Variants in RNF44 observed in about 807,000 individuals in gnomAD.
RNF44 encodes ring finger protein 44.
Under a neutral mutation model 53.6 loss-of-function variants are expected in RNF44, and 25 were observed. The observed-to-expected ratio is 0.47, with a 90% CI of 0.34 to 0.65. RNF44 has a LOEUF of 0.65. Among genes scored for constraint, RNF44 ranks in the 30% least tolerant of loss-of-function variants. The pLI, the probability that RNF44 is intolerant of heterozygous loss-of-function variation, is 0.01. For missense variants in RNF44, 581 were observed against 595.5 expected, an observed-to-expected ratio of 0.98 and a Z score of 0.25; for synonymous variants, 282 against 252.2, an observed-to-expected ratio of 1.12 and a Z score of -1.12.
chr5:176,529,027 C>T lies in RNF44; in HGVS notation c.*1G>A. On this transcript the variant is annotated 3_prime_UTR_variant, in exon 11 of 11. Transcript: ENST00000274811. ...TCTCCCGGGCAGGCGGCTGCGTGGC[C>T]TCACTCAGCCTCCCTGGGCACCTCG... The T allele has an allele frequency of 6.2e-7, 1 of 1,611,720 alleles. No homozygotes were observed. Among genetic ancestry groups the T allele is most frequent in the Non-Finnish European group, 8.5e-7 (1 of 1,179,462 alleles).
Position 176,530,833 on chromosome 5 carries a change from C to A in RNF44, c.639+15G>T. On this transcript the variant is annotated intron_variant, in intron 5 of 10. Coordinates refer to ENST00000274811, the MANE Select transcript of RNF44 (RefSeq NM_014901.5). The stretch of plus-strand genomic sequence containing the variant: ...CACGCCATCTCCCTCCAGCATCGGA[C>A]CCATGCCGACTCACCATCCGAGGGT... The A allele has an allele frequency of 4.2e-6, 6 of 1,436,034 alleles. No individual in the cohort carries two copies. The highest frequency in any genetic ancestry group is 4.6e-6 in the Non-Finnish European group (5 of 1,096,694). 89.0% of individuals were successfully genotyped at this position (1,436,034 alleles called of 1,614,324 possible). A position where few individuals can be genotyped will look rare whatever the true frequency, so the allele number is the denominator to read the frequency against.
chr5:176,535,582 T>C lies in RNF44; in HGVS notation c.-45+1358A>G, dbSNP rs184131556. ...CCAGAGAGAACGGAATTGGTCCTAG[T>C]TGGCCTCCTAGGCCCAAACTCCCCC... On this transcript the variant is annotated intron_variant, in intron 1 of 10. Coordinates refer to ENST00000274811, the MANE Select transcript of RNF44 (RefSeq NM_014901.5). Among the ~76,000 whole-genome samples the C allele has an allele frequency of 5.9e-3, 899 of 152,306 alleles. 7 individuals carry two copies. The highest frequency in any genetic ancestry group is 7.0e-3 in the Non-Finnish European group (478 of 68,012).
chr5:176,528,684 G>A lies in RNF44; in HGVS notation c.*344C>T. ...CTCTGTCTGCCCATCCTGGGGCCAAGGATCTCCACCGGCCCCACTGAGGGA... is the reference window on the plus strand; with the variant it reads ...CTCTGTCTGCCCATCCTGGGGCCAAAGATCTCCACCGGCCCCACTGAGGGA... On this transcript the variant is annotated 3_prime_UTR_variant, in exon 11 of 11. Transcript: ENST00000274811. The A allele has an allele frequency of 2.9e-6, 1 of 350,420 alleles. No homozygotes were observed. The highest frequency in any genetic ancestry group is 5.3e-6 in the Non-Finnish European group (1 of 189,350). The allele number at this position is 350,420 out of a possible 1,614,324, so 21.7% of individuals were successfully genotyped here.
At position 176,528,918 on chromosome 5, in the gene RNF44, C is replaced by A; in HGVS notation, c.*110G>T. On this transcript the variant is annotated 3_prime_UTR_variant, in exon 11 of 11. Transcript: ENST00000274811. Reference sequence around the variant, plus strand: ...CTGGCACCAGCTCTGGAAATGCAGGCAGGAGCGAAGGGGCAGGCCTGGGCC... The same window carrying A: ...CTGGCACCAGCTCTGGAAATGCAGGAAGGAGCGAAGGGGCAGGCCTGGGCC... 1 of 1,000,802 alleles carries A rather than the reference C, an allele frequency of 1.0e-6. No homozygotes were observed. The highest frequency in any genetic ancestry group is 1.5e-6 in the Non-Finnish European group (1 of 681,614). 62.0% of individuals were successfully genotyped at this position (1,000,802 alleles called of 1,614,324 possible).
intron 1 of RNF44, among the ~76,000 whole-genome samples, 172 bp downstream of exon 1, chr5:176,536,768 G>T (rs529100442): frequency 9.3e-5 from 14 of 151,344 alleles, no homozygotes; most frequent in Admixed American, 3.9e-4. Flanking sequence ...GCCCGGCCAC[G>T]GGGGGCCTTG....
In RNF44 at chr5:176,528,496, C is replaced by T. The variant is rs1756244279; in HGVS notation, c.*532G>A. 1 of 155,650 alleles carries T rather than the reference C, an allele frequency of 6.4e-6. No homozygotes were observed. The highest frequency in any genetic ancestry group is 1.9e-4 in the South Asian group (1 of 5,194). The allele number at this position is 155,650 out of a possible 1,614,324, so 9.6% of individuals were successfully genotyped here. On this transcript the variant is annotated 3_prime_UTR_variant, in exon 11 of 11. Coordinates refer to ENST00000274811, the MANE Select transcript of RNF44 (RefSeq NM_014901.5). ...GACTCAGCCCTCACAGCAGCCAACACAGAGCCAGCTGCCTGAGTTCACTGT... is the reference window on the plus strand; with the variant it reads ...GACTCAGCCCTCACAGCAGCCAACATAGAGCCAGCTGCCTGAGTTCACTGT...
rs1181451568 is a variant in RNF44 at position 176,532,062 on chromosome 5, G to T, written c.239C>A (p.Pro80His). The T allele has an allele frequency of 1.2e-6, 2 of 1,609,104 alleles. No homozygotes were observed. Among genetic ancestry groups the T allele is most frequent in the Middle Eastern group, 1.7e-4 (1 of 6,018 alleles). The change falls in exon 3 of 11, where the codon CCC becomes CAC. Residue 80 changes from proline to histidine, a missense_variant. Physicochemically the swap from Pro to His is moderately conservative, Grantham distance 77. Around this residue, in one of 3 missense-constraint regions of RNF44, gnomAD observed 387 missense variants for 366.0 expected, o/e 1.06. Coordinates refer to ENST00000274811, the MANE Select transcript of RNF44 (RefSeq NM_014901.5). Reference protein sequence around the residue: ...RRASAPAGGSPRMLHPATQQS... With the variant: ...RRASAPAGGSHRMLHPATQQS... The stretch of plus-strand genomic sequence containing the variant: ...CTGGGTGGCTGGGTGCAGCATTCGG[G>T]GGCTCCCGCCGGCAGGAGCCGAGGC...
chr5:176,531,017 A>G lies in RNF44; in HGVS notation c.470T>C (p.Ile157Thr). ...YPLCCLPPPLIQACTMQQLPV... is the reference protein window; with the variant it reads ...YPLCCLPPPLTQACTMQQLPV... The stretch of plus-strand genomic sequence containing the variant: ...CAGCTGCTGCATGGTGCACGCCTGG[A>G]TAAGCTGCCAAGAGAGGGGGCAGGG... The change falls in exon 5 of 11, where the codon ATC (isoleucine) becomes ACC (threonine). Residue 157 changes from isoleucine (I) to threonine (T), a missense_variant. Physicochemically the swap from Ile to Thr is moderately conservative, Grantham distance 89. Coordinates refer to ENST00000274811, the MANE Select transcript of RNF44 (RefSeq NM_014901.5). The surrounding 1 kb of genome is among the most constrained non-coding windows in gnomAD (Gnocchi z 4.2). The G allele has an allele frequency of 6.9e-7, 1 of 1,441,524 alleles. No homozygotes were observed. The highest frequency in any genetic ancestry group is 9.1e-7 in the Non-Finnish European group (1 of 1,099,146). The allele number at this position is 1,441,524 out of a possible 1,614,324, so 89.3% of individuals were successfully genotyped here.
chr5:176,528,789 C>G lies in RNF44; in HGVS notation c.*239G>C. ...GGAGGGAGACCCGATCAGGGACACT[C>G]AGGCAGCTCCGTGGCGGGCGGGCAG... On this transcript the variant is annotated 3_prime_UTR_variant, in exon 11 of 11. Coordinates refer to ENST00000274811, the MANE Select transcript of RNF44 (RefSeq NM_014901.5). 1 of 582,058 alleles carries G rather than the reference C, an allele frequency of 1.7e-6. No individual in the cohort carries two copies. Among genetic ancestry groups the G allele is most frequent in the Non-Finnish European group, 3.1e-6 (1 of 327,674 alleles). 36.1% of individuals were successfully genotyped at this position (582,058 alleles called of 1,614,324 possible).
intron 1 of RNF44, among the ~76,000 whole-genome samples, chr5:176,534,175 G>A (rs1367542782): frequency 6.6e-6 from 1 of 152,258 alleles, no homozygotes; most frequent in Non-Finnish European, 1.5e-5. Context: ...CAGGCCTGAT[G>A]TGAGAAATGT....
Position 176,531,693 on chromosome 5 carries a change from G to A in RNF44, c.298-63C>T. On this transcript the variant is annotated intron_variant, in intron 3 of 10. Coordinates refer to ENST00000274811, the MANE Select transcript of RNF44 (RefSeq NM_014901.5). This position sits in a 1 kb window ranked among gnomAD's most constrained non-coding sequence, Gnocchi z 4.2. Reference sequence around the variant, plus strand: ...AAGCTGACCGCGAGGGCTACTCTCAGGAGAAATCATCCTGCCACATCCAGC... The same window carrying A: ...AAGCTGACCGCGAGGGCTACTCTCAAGAGAAATCATCCTGCCACATCCAGC... The A allele has an allele frequency of 6.7e-7, 1 of 1,491,298 alleles. No individual in the cohort carries two copies. The highest frequency in any genetic ancestry group is 9.1e-7 in the Non-Finnish European group (1 of 1,103,244). The allele number at this position is 1,491,298 out of a possible 1,614,324, so 92.4% of individuals were successfully genotyped here.
chr5:176,530,562 G>A lies in RNF44; in HGVS notation c.801+20C>T. 3.6e-6 allele frequency: 5 copies of A among 1,396,090 alleles called. No homozygotes were observed. Among genetic ancestry groups the A allele is most frequent in the Middle Eastern group, 2.5e-4 (1 of 4,046 alleles). The allele number at this position is 1,396,090 out of a possible 1,614,324, so 86.5% of individuals were successfully genotyped here. A position where few individuals can be genotyped will look rare whatever the true frequency, so the allele number is the denominator to read the frequency against. ...TCCCAGCTGCCCTGGAGCCCAGGTG[G>A]GGGTCGGGGTGGCACTCACCACACC... On this transcript the variant is annotated intron_variant, in intron 6 of 10. Coordinates refer to ENST00000274811, the MANE Select transcript of RNF44 (RefSeq NM_014901.5).
Position 176,528,925 on chromosome 5 carries a change from G to C in RNF44, c.*103C>G, listed in dbSNP as rs536576652. Reference sequence around the variant, plus strand: ...CAGCTCTGGAAATGCAGGCAGGAGCGAAGGGGCAGGCCTGGGCCACTCCCT... The same window carrying C: ...CAGCTCTGGAAATGCAGGCAGGAGCCAAGGGGCAGGCCTGGGCCACTCCCT... On this transcript the variant is annotated 3_prime_UTR_variant, in exon 11 of 11. Coordinates refer to ENST00000274811, the MANE Select transcript of RNF44 (RefSeq NM_014901.5). 7.2e-6 allele frequency: 8 copies of C among 1,108,428 alleles called. No homozygotes were observed. Among genetic ancestry groups the C allele is most frequent in the African/African-American group, 3.1e-5 (2 of 64,068 alleles). The allele number at this position is 1,108,428 out of a possible 1,614,324, so 68.7% of individuals were successfully genotyped here. A position where few individuals can be genotyped will look rare whatever the true frequency, so the allele number is the denominator to read the frequency against.
At chr5:176,541,945 G>A (rs1213940550), upstream of RNF44, among the ~76,000 whole-genome samples, 1 of 152,172 alleles carries the variant, frequency 6.6e-6, no homozygotes, top group African/African-American at 2.4e-5. Flanking sequence ...ACACACCAGG[G>A]AGGGAGTAGA....
Sources: allele counts gnomAD v4.1 joint callset (sites outside exome capture counted in the v4.1 genomes callset), GRCh38; gene constraint gnomAD v4.1.1; regional missense constraint gnomAD v4.1.1; non-coding constraint Gnocchi (gnomAD v3.1); transcripts MANE v1.5; gene names NCBI Gene and HGNC (gene_info 2026-07-23, HGNC 2026-07-21).